Variants in MRPL13 observed in about 807,000 individuals in gnomAD.
The protein encoded by MRPL13 is large ribosomal subunit protein uL13m.
A neutral mutation model predicts 29.0 loss-of-function variants in MRPL13; 33 were observed. The observed-to-expected ratio is 1.14, with a 90% CI of 0.86 to 1.52. The LOEUF is 1.52. MRPL13 is among the 40% of genes most tolerant of loss of function. MRPL13 has a pLI of 0.00. For missense variants in MRPL13, 227 were observed against 216.7 expected, an observed-to-expected ratio of 1.05 and a Z score of -0.30; for synonymous variants, 77 against 68.4, an observed-to-expected ratio of 1.13 and a Z score of -0.62.
intron 6 of MRPL13, among the ~76,000 whole-genome samples, chr8:120,409,565 A>G (rs1453305346): frequency 6.6e-6 from 1 of 152,182 alleles, no homozygotes; most frequent in Non-Finnish European, 1.5e-5. Context: ...TTTCCTTTAA[A>G]GAAAAAAGAA....
At chr8:120,422,097 A>G (rs1812879932) in intron 4 of MRPL13, among the ~76,000 whole-genome samples, 1 of 151,838 alleles carries the variant, frequency 6.6e-6, no homozygotes, top group Non-Finnish European at 1.5e-5. Context: ...CAAAATAAAT[A>G]GTAAATCATG....
intron 4 of MRPL13, among the ~76,000 whole-genome samples, chr8:120,423,686 A>T (rs1812899438): frequency 6.6e-6 from 1 of 152,172 alleles, no homozygotes; most frequent in African/African-American, 2.4e-5. Flanking sequence ...AAACAGTTGT[A>T]GACAAAAAAG....
At chr8:120,425,263 T>A in intron 4 of MRPL13, 43 bp downstream of exon 4, 1 of 1,438,268 alleles carries the variant, frequency 7.0e-7, no homozygotes, top group Non-Finnish European at 9.8e-7. Flanking sequence ...GTATCTGAAT[T>A]GGTCTTTCCA....
chr8:120,444,189 G>T (rs1246546899), intron 1 of MRPL13, among the ~76,000 whole-genome samples: 1 of 152,096 alleles, frequency 6.6e-6, no homozygotes, highest in Non-Finnish European at 1.5e-5. Context: ...AATGCTGGGC[G>T]ATGTCAGATT....
At chr8:120,431,461 T>C (rs972311863) in intron 3 of MRPL13, among the ~76,000 whole-genome samples, 2 of 152,156 alleles carry the variant, frequency 1.3e-5, no homozygotes, top group Non-Finnish European at 2.9e-5. Context: ...AACAGGAATA[T>C]ACCTGAAAAA....
At chr8:120,431,464 C>G (rs1340524365) in intron 3 of MRPL13, among the ~76,000 whole-genome samples, 1 of 152,042 alleles carries the variant, frequency 6.6e-6, no homozygotes, top group African/African-American at 2.4e-5. Flanking sequence ...AGGAATATAC[C>G]TGAAAAAGAC....
intron 1 of MRPL13, 106 bp from the exon 2 acceptor site, chr8:120,443,414 C>A (rs1279527656): frequency 9.7e-7 from 1 of 1,027,872 alleles, no homozygotes; most frequent in African/African-American, 1.7e-5. Context: ...CACGTTTCTA[C>A]AATTAATGTC....
At chr8:120,413,232 CTATT>C (rs1310544241) in intron 6 of MRPL13, among the ~76,000 whole-genome samples, 1 of 152,204 alleles carries the variant, frequency 6.6e-6, no homozygotes, top group Non-Finnish European at 1.5e-5. Context: ...GGCTGAGTGT[CTATT>C]TAATTTGTCC....
chr8:120,413,903 C>T, intron 6 of MRPL13, 88 bp downstream of exon 6: 1 of 1,368,496 alleles, frequency 7.3e-7, no homozygotes, highest in Non-Finnish European at 9.5e-7. Context: ...GTTCACTCTT[C>T]CCGCCCTCAA....
At chr8:120,428,249 T>C (rs1812955745) in intron 3 of MRPL13, among the ~76,000 whole-genome samples, 1 of 152,008 alleles carries the variant, frequency 6.6e-6, no homozygotes, top group South Asian at 2.1e-4. Context: ...GGAGAAAGGA[T>C]TCCCTGTTCA....
Position 120,405,418 on chromosome 8 carries a change from G to T in MRPL13, c.515+8573C>A, listed in dbSNP as rs557449792. ...AAATTGCTTGGATTCTTATGAGAATGCAGGTCCTGATTTCACTTATTCTGT... is the reference window on the plus strand; with the variant it reads ...AAATTGCTTGGATTCTTATGAGAATTCAGGTCCTGATTTCACTTATTCTGT... On this transcript the variant is annotated intron_variant, in intron 6 of 6. Transcript: ENST00000306185. Among the ~76,000 whole-genome samples, 109 of 152,320 alleles carry T rather than the reference G, an allele frequency of 7.2e-4. 1 individual carries two copies. Among genetic ancestry groups the T allele is most frequent in the African/African-American group, 2.5e-3 (104 of 41,584 alleles).
intron 3 of MRPL13, among the ~76,000 whole-genome samples, chr8:120,431,617 A>AGT (rs1812997571): frequency 6.6e-6 from 1 of 152,192 alleles, no homozygotes; most frequent in Non-Finnish European, 1.5e-5. Context: ...CACCCAGGTG[A>AGT]GTGTATTTAC....
intron 6 of MRPL13, among the ~76,000 whole-genome samples, chr8:120,405,681 C>T (rs1369151848): frequency 1.3e-5 from 2 of 152,172 alleles, no homozygotes; most frequent in East Asian, 1.9e-4. Context: ...GTTCTTTTCT[C>T]CCAAACTGTA....
rs568846863 is a variant in MRPL13 at position 120,433,541 on chromosome 8, G to A, written c.152-1418C>T. Among the ~76,000 whole-genome samples the A allele has an allele frequency of 6.6e-5, 10 of 152,050 alleles. No homozygotes were observed. In the South Asian group the frequency reaches 1.7e-3, roughly 25 times the overall value. On this transcript the variant is annotated intron_variant, in intron 2 of 6. Coordinates refer to ENST00000306185, the MANE Select transcript of MRPL13 (RefSeq NM_014078.6). ...GCCACTCAAAAAATATCTACAGAGA[G>A]CAAAAAAGATCTTCCAAGGGGCATT...
At chr8:120,429,984 G>A (rs1293401729) in intron 3 of MRPL13, among the ~76,000 whole-genome samples, 2 of 152,076 alleles carry the variant, frequency 1.3e-5, no homozygotes, top group South Asian at 2.1e-4. Flanking sequence ...ATTACACGCC[G>A]GGTGCAGTGG....
At chr8:120,443,616 A>AT (rs1813156820) in intron 1 of MRPL13, among the ~76,000 whole-genome samples, 1 of 147,302 alleles carries the variant, frequency 6.8e-6, no homozygotes, top group African/African-American at 2.5e-5. Context: ...TTACGGTATG[A>AT]CTTTTTTTTT....
chr8:120,399,018 T>C (rs888153481), intron 6 of MRPL13, among the ~76,000 whole-genome samples: 3 of 151,774 alleles, frequency 2.0e-5, no homozygotes, highest in Non-Finnish European at 2.9e-5. Context: ...CTATGACTAA[T>C]TGGGGTACCT....
At chr8:120,428,286 G>A (rs908835020) in intron 3 of MRPL13, among the ~76,000 whole-genome samples, 1 of 152,170 alleles carries the variant, frequency 6.6e-6, no homozygotes, top group Non-Finnish European at 1.5e-5. Context: ...GAACTGGCTA[G>A]CCATATGCAG....
At chr8:120,420,190 C>T (rs544176846) in intron 4 of MRPL13, among the ~76,000 whole-genome samples, 2 of 151,528 alleles carry the variant, frequency 1.3e-5, no homozygotes, top group East Asian at 3.9e-4. Context: ...CGTATATGTG[C>T]CAATTTTAGA....
Sources: gnomAD v4.1 joint callset for allele counts (sites outside exome capture counted in the v4.1 genomes callset) on GRCh38, gnomAD v4.1.1 for gene constraint, MANE v1.5 for transcripts, NCBI Gene and HGNC (gene_info 2026-07-23, HGNC 2026-07-21) for gene names.